CLASP1: variants seen among roughly 807,000 people sequenced by gnomAD.
The protein encoded by CLASP1 is CLIP-associating protein 1.
Under a neutral mutation model 192.3 loss-of-function variants are expected in CLASP1, and 38 were observed. That is an observed-to-expected ratio of 0.20 (90% CI 0.15 to 0.26). The LOEUF (loss-of-function observed/expected upper bound fraction) is 0.26, where lower values mean the gene tolerates loss of function less well. Ranked by LOEUF, CLASP1 falls within the 10% of genes least tolerant of loss-of-function variation. The probability of loss-of-function intolerance (pLI) is 1.00; values close to 1 mark genes in which losing one functional copy is unlikely to be tolerated. For missense variants in CLASP1, 1,433 were observed against 1,932.5 expected, an observed-to-expected ratio of 0.74 and a Z score of 4.85; for synonymous variants, 691 against 712.8, an observed-to-expected ratio of 0.97 and a Z score of 0.49.
chr2:121,397,398 C>A, intron 29 of CLASP1, 115 bp from the exon 31 acceptor site: 1 of 843,716 alleles, frequency 1.2e-6, no homozygotes. Flanking sequence ...CTTCCTTTCT[C>A]CTGTATCGAT....
chr2:121,522,954 T>C (rs1205282627), intron 6 of CLASP1, among the ~76,000 whole-genome samples: 1 of 152,218 alleles, frequency 6.6e-6, no homozygotes, highest in African/African-American at 2.4e-5. Context: ...ACTGAGTAAC[T>C]TGGCCTTCTG....
At chr2:121,507,592 G>A (rs2150291729) in intron 7 of CLASP1, among the ~76,000 whole-genome samples, 1 of 152,172 alleles carries the variant, frequency 6.6e-6, no homozygotes, top group Non-Finnish European at 1.5e-5. Flanking sequence ...CTACCACGTT[G>A]AAAAATTATC....
chr2:121,532,259 AAG>A (rs2094913784), intron 2 of CLASP1: 1 of 152,268 alleles, frequency 6.6e-6, no homozygotes, highest in African/African-American at 2.4e-5. Context: ...AACTTTTATA[AAG>A]AGAACAATTT....
At chr2:121,545,922 A>AC (rs2095320079) in intron 2 of CLASP1, among the ~76,000 whole-genome samples, 1 of 152,192 alleles carries the variant, frequency 6.6e-6, no homozygotes, top group African/African-American at 2.4e-5. Context: ...TAAAAAAAAA[A>AC]AACTTTCTTT....
rs551288262 is a variant in CLASP1 at position 121,610,174 on chromosome 2, GAGA to G, written c.-285-3997_-285-3995del. 4.0e-3 allele frequency among the ~76,000 whole-genome samples: 609 copies of G among 152,306 alleles called. 6 individuals are homozygous for G. The highest frequency in any genetic ancestry group is 5.9e-3 in the Non-Finnish European group (404 of 68,036). ...GAAAAAGGATGACGTGGAGGAGTGAGAGAAGAAGGAGGAGGAGTTACAGGAGGA... is the reference window on the plus strand; with the variant it reads ...GAAAAAGGATGACGTGGAGGAGTGAGAGAAGGAGGAGGAGTTACAGGAGGA... On this transcript the variant is annotated intron_variant, in intron 1 of 39. Coordinates refer to ENST00000263710, the Ensembl canonical transcript of CLASP1.
chr2:121,423,371 A>G (rs2149589339), intron 22 of CLASP1, among the ~76,000 whole-genome samples: 1 of 152,304 alleles, frequency 6.6e-6, no homozygotes, highest in Middle Eastern at 3.4e-3. Flanking sequence ...CTTTTCAACT[A>G]CACACAACAC....
chr2:121,407,422 G>A lies in CLASP1; in HGVS notation c.2669+49C>T, dbSNP rs774553515. 20 of 1,605,004 alleles carry A rather than the reference G, an allele frequency of 1.2e-5. 1 individual carries two copies. Among genetic ancestry groups the A allele is most frequent in the Middle Eastern group, 3.3e-4 (2 of 6,016 alleles). ...GGAAATCCCTTTAAACCCCTGAAGA[G>A]TCCAACAGGAGATTCAAACTTAGCT... On this transcript the variant is annotated intron_variant, in intron 25 of 39. Transcript: ENST00000263710.
chr2:121,530,767 A>T, intron 2 of CLASP1: 1 of 544,702 alleles, frequency 1.8e-6, no homozygotes, highest in Non-Finnish European at 3.3e-6. Context: ...AAAGCTGTGG[A>T]GGCTGGAGGT....
chr2:121,554,604 T>C (rs1397343172), intron 2 of CLASP1, among the ~76,000 whole-genome samples: 1 of 152,146 alleles, frequency 6.6e-6, no homozygotes, highest in Non-Finnish European at 1.5e-5. Context: ...CATACCTGCC[T>C]GACCTTGTCT....
intron 26 of CLASP1, chr2:121,403,406 C>T (rs1398583791): frequency 1.5e-5 from 7 of 456,490 alleles, no homozygotes; most frequent in African/African-American, 4.0e-5. Flanking sequence ...AAGGACAATT[C>T]CTACGAGGAA....
intron 8 of CLASP1, among the ~76,000 whole-genome samples, chr2:121,474,265 G>A (rs2091273150): frequency 6.6e-6 from 1 of 152,130 alleles, no homozygotes; most frequent in Non-Finnish European, 1.5e-5. Flanking sequence ...GTAAGGCACA[G>A]GGAAGGCATG....
rs1271982096 is a variant in CLASP1, at chr2:121,481,260, AG to A, written c.713-11301del. ...AATATTTCAATAGAAGTGAGGAATT[AG>A]GAACATAATTTTCTTTAAAAATGGG... On this transcript the variant is annotated intron_variant, in intron 8 of 39. Coordinates refer to ENST00000263710, the Ensembl canonical transcript of CLASP1. 2.6e-5 allele frequency among the ~76,000 whole-genome samples: 4 copies of A among 152,350 alleles called. No homozygotes were observed. The East Asian group carries it at 7.7e-4, about 29-fold the overall frequency.
intron 21 of CLASP1, among the ~76,000 whole-genome samples, 167 bp from the exon 22 acceptor site, chr2:121,425,473 A>G (rs559469847): frequency 2.0e-5 from 3 of 152,338 alleles, no homozygotes; most frequent in Admixed American, 6.5e-5. Context: ...AGGAGCATAA[A>G]AGACAATTGA....
At chr2:121,440,724 G>A (rs141509514) in intron 19 of CLASP1, among the ~76,000 whole-genome samples, 1 of 151,310 alleles carries the variant, frequency 6.6e-6, no homozygotes, top group East Asian at 2.0e-4. Context: ...GCAACAAGCA[G>A]TACAAATATA....
At chr2:121,496,000 T>A (rs1440859771) in intron 8 of CLASP1, among the ~76,000 whole-genome samples, 1 of 152,180 alleles carries the variant, frequency 6.6e-6, no homozygotes, top group Non-Finnish European at 1.5e-5. Context: ...GCTAAAGCAT[T>A]GCAGAGCAGG....
intron 19 of CLASP1, among the ~76,000 whole-genome samples, chr2:121,439,957 T>C (rs2083004493): frequency 7.6e-6 from 1 of 132,224 alleles, no homozygotes; most frequent in Non-Finnish European, 1.6e-5. Flanking sequence ...GGGGGAGGGA[T>C]AGCATTGGGA....
intron 8 of CLASP1, among the ~76,000 whole-genome samples, chr2:121,478,906 CACACA>C (rs2092244505): frequency 3.5e-5 from 2 of 57,928 alleles, no homozygotes; most frequent in Non-Finnish European, 5.7e-5. Flanking sequence ...CACACCACAC[CACACA>C]CACCACACAC....
At position 121,548,844 on chromosome 2, in the gene CLASP1, G is replaced by A. The variant is rs1277509874; in HGVS notation, c.196-18519C>T. ...AAGCTCTTTAAGCAAAGGAGAAATA[G>A]GAACCTTTTTCAGATAAGCAAATGT... On this transcript the variant is annotated intron_variant, in intron 2 of 39. Coordinates refer to ENST00000263710, the Ensembl canonical transcript of CLASP1. Among the ~76,000 whole-genome samples the A allele has an allele frequency of 3.9e-5, 6 of 151,966 alleles. 1 individual carries two copies. The highest frequency in any genetic ancestry group is 2.0e-4 in the Admixed American group (3 of 15,266).
At chr2:121,431,763 T>G (rs2081455516) in intron 19 of CLASP1, among the ~76,000 whole-genome samples, 1 of 151,104 alleles carries the variant, frequency 6.6e-6, no homozygotes, top group Non-Finnish European at 1.5e-5. Context: ...TTTTTTTTTG[T>G]AAATACATGT....
Sources: gnomAD v4.1 joint callset for allele counts (sites outside exome capture counted in the v4.1 genomes callset) on GRCh38, gnomAD v4.1.1 for gene constraint, MANE v1.5 for transcripts, NCBI Gene and HGNC (gene_info 2026-07-23, HGNC 2026-07-21) for gene names.